Variants in RPS13 observed in about 807,000 individuals in gnomAD.
RPS13 encodes ribosomal protein S13, also known as small ribosomal subunit protein uS15.
A neutral mutation model predicts 24.6 loss-of-function variants in RPS13; 1 was observed. The observed-to-expected ratio is 0.04, with a 90% confidence interval of 0.01 to 0.19. RPS13 has a LOEUF of 0.19. RPS13 is among the 10% of genes least tolerant of loss of function. The pLI is 1.00. For synonymous variants in RPS13, 69 were observed against 65.3 expected, an observed-to-expected ratio of 1.06 and a Z score of -0.27; for missense variants, 88 against 187.4, an observed-to-expected ratio of 0.47 and a Z score of 3.10.
At position 17,075,429 on chromosome 11, in the gene RPS13, C is replaced by T. The variant is rs375186350; in HGVS notation, c.321+25G>A. 3.0e-5 allele frequency: 45 copies of T among 1,523,846 alleles called. No homozygotes were observed. In the African/African-American group the frequency reaches 5.3e-4, roughly 18 times the overall value. 94.4% of individuals were successfully genotyped at this position (1,523,846 alleles called of 1,614,324 possible). A position where few individuals can be genotyped will look rare whatever the true frequency, so the allele number is the denominator to read the frequency against. On this transcript the variant is annotated intron_variant, in intron 4 of 5. Coordinates refer to ENST00000525634, the MANE Select transcript of RPS13 (RefSeq NM_001017.3). ...ATTTAGTACAAGCAGTCCTACTTAG[C>T]ACCAGGTTTTATTTATTAGCTTACC...
At position 17,077,465 on chromosome 11, in the gene RPS13, G is replaced by A. The variant is rs749390952; in HGVS notation, c.36C>T (p.Ser12=). 3.1e-6 allele frequency: 5 copies of A among 1,613,800 alleles called. No individual in the cohort carries two copies. The highest frequency in any genetic ancestry group is 1.1e-5 in the South Asian group (1 of 91,056). The change falls in exon 2 of 6, where the codon TCC becomes TCT. Residue 12 remains serine, a synonymous_variant. Coordinates refer to ENST00000525634, the MANE Select transcript of RPS13 (RefSeq NM_001017.3). ...GRMHAPGKGL[S]QSALPYRRSV... Reference sequence around the variant, plus strand: ...TGCGTCGATAGGGTAAAGCCGACTGGGACAGGCCCTTCCTGGGGAGAGAAG... The same window carrying A: ...TGCGTCGATAGGGTAAAGCCGACTGAGACAGGCCCTTCCTGGGGAGAGAAG...
intron 4 of RPS13, 108 bp from the exon 5 acceptor site, chr11:17,075,305 T>C: frequency 3.0e-6 from 3 of 998,126 alleles, no homozygotes; most frequent in Non-Finnish European, 4.5e-6. Flanking sequence ...ATAATGAAAA[T>C]CTCTTTGGAT....
chr11:17,076,308 T>A, intron 3 of RPS13: 1 of 238,356 alleles, frequency 4.2e-6, no homozygotes, highest in South Asian at 3.9e-5. Context: ...ATTGCTTGCT[T>A]GAACCCAGGA....
At chr11:17,077,141 T>G (rs1272930170) in intron 3 of RPS13, 27 bp downstream of exon 3, 1 of 1,550,976 alleles carries the variant, frequency 6.4e-7, no homozygotes, top group South Asian at 1.1e-5. Flanking sequence ...ACAGGCGAAA[T>G]AGGCTATGTT....
Position 17,075,434 on chromosome 11 carries a change from G to A in RPS13, c.321+20C>T. 1.3e-6 allele frequency: 2 copies of A among 1,532,788 alleles called. No individual in the cohort carries two copies. The highest frequency in any genetic ancestry group is 2.6e-5 in the South Asian group (2 of 77,416). 94.9% of individuals were successfully genotyped at this position (1,532,788 alleles called of 1,614,324 possible). A position where few individuals can be genotyped will look rare whatever the true frequency, so the allele number is the denominator to read the frequency against. Reference sequence around the variant, plus strand: ...GTACAAGCAGTCCTACTTAGCACCAGGTTTTATTTATTAGCTTACCTTTCT... The same window carrying A: ...GTACAAGCAGTCCTACTTAGCACCAAGTTTTATTTATTAGCTTACCTTTCT... On this transcript the variant is annotated intron_variant, in intron 4 of 5. Coordinates refer to ENST00000525634, the MANE Select transcript of RPS13 (RefSeq NM_001017.3).
Position 17,077,284 on chromosome 11 carries a change from C to T in RPS13, c.73-38G>A, listed in dbSNP as rs370291249. 15 of 1,592,398 alleles carry T rather than the reference C, an allele frequency of 9.4e-6. No individual in the cohort carries two copies. In the African/African-American group the frequency reaches 1.7e-4, roughly 19 times the overall value. Reference sequence around the variant, plus strand: ...AGAAAGCAGCCTTAGGATGAGAACCCAGGAATGGCGCCGCAGAACAGCGGT... The same window carrying T: ...AGAAAGCAGCCTTAGGATGAGAACCTAGGAATGGCGCCGCAGAACAGCGGT... On this transcript the variant is annotated intron_variant, in intron 2 of 5. Coordinates refer to ENST00000525634, the MANE Select transcript of RPS13 (RefSeq NM_001017.3).
chr11:17,075,550 A>C lies in RPS13; in HGVS notation c.225T>G (p.Leu75=), dbSNP rs772973264. 16 of 1,609,102 alleles carry C rather than the reference A, an allele frequency of 9.9e-6. No individual in the cohort carries two copies. Among genetic ancestry groups the C allele is most frequent in the Non-Finnish European group, 1.4e-5 (16 of 1,177,110 alleles). ...FVTGNKILRI[L]KSKGLAPDLP... ...GATCAGGAGCAAGTCCCTTAGACTT[A>C]AGAATTCTTAAAATTTTATTGCCTG... is the stretch of plus-strand genomic sequence containing the variant. Residue 75 remains leucine (L), a synonymous_variant, in exon 4 of 6, where the codon CTT becomes CTG. Coordinates refer to ENST00000525634, the MANE Select transcript of RPS13 (RefSeq NM_001017.3).
Position 17,077,126 on chromosome 11 carries a change from C to G in RPS13, c.151+42G>C, listed in dbSNP as rs201176315. 6.9e-6 allele frequency: 10 copies of G among 1,446,446 alleles called. No individual in the cohort carries two copies. The East Asian group carries it at 2.3e-4, about 33-fold the overall frequency. 89.6% of individuals were successfully genotyped at this position (1,446,446 alleles called of 1,614,324 possible). A position where few individuals can be genotyped will look rare whatever the true frequency, so the allele number is the denominator to read the frequency against. On this transcript the variant is annotated intron_variant, in intron 3 of 5. Transcript: ENST00000525634. ...CACCTACTAGATCCTACAAGTCACA[C>G]GAGGACAGGCGAAATAGGCTATGTT... is the stretch of plus-strand genomic sequence containing the variant.
At chr11:17,077,515 A>G in intron 1 of RPS13, 38 bp from the exon 2 acceptor site, 1 of 1,613,420 alleles carries the variant, frequency 6.2e-7, no homozygotes, top group South Asian at 1.1e-5. Flanking sequence ...GGTGGCGGCT[A>G]GTGCCAGAGC....
At chr11:17,075,054 G>T in intron 5 of RPS13, 43 bp downstream of exon 5, 1 of 1,314,550 alleles carries the variant, frequency 7.6e-7, no homozygotes, top group South Asian at 1.2e-5. Context: ...ACTACTGGCT[G>T]ACTCCTATTC....
chr11:17,077,538 C>T (rs1402058117), intron 1 of RPS13, 61 bp from the exon 2 acceptor site: 2 of 1,612,706 alleles, frequency 1.2e-6, no homozygotes, highest in Non-Finnish European at 1.7e-6. Context: ...CCCAGAACAT[C>T]ATCCCCTCGG....
intron 3 of RPS13, among the ~76,000 whole-genome samples, chr11:17,076,203 A>G (rs923983672): frequency 9.9e-5 from 15 of 152,244 alleles, no homozygotes; most frequent in African/African-American, 3.6e-4. Context: ...CCTGGCCAAC[A>G]TGGTGAAACC....
chr11:17,074,691 GAA>G (rs1174381411), intron 5 of RPS13: 2 of 700,564 alleles, frequency 2.9e-6, no homozygotes, highest in Non-Finnish European at 5.3e-6. Flanking sequence ...CCAACATAAG[GAA>G]AAACATTTCT....
Position 17,077,663 on chromosome 11 carries a change from A to C in RPS13, c.-22T>G. The C allele has an allele frequency of 6.2e-7, 1 of 1,609,480 alleles. No homozygotes were observed. Among genetic ancestry groups the C allele is most frequent in the African/African-American group, 1.3e-5 (1 of 74,362 alleles). On this transcript the variant is annotated 5_prime_UTR_variant, in exon 1 of 6. Coordinates refer to ENST00000525634, the MANE Select transcript of RPS13 (RefSeq NM_001017.3). ...CCATGATGGCGGCGATCAGGCAACG[A>C]AAGGAGAGCGAGAGTGGAAACGCCG...
Position 17,075,702 on chromosome 11 carries a change from G to A in RPS13, c.152-79C>T. The A allele has an allele frequency of 3.4e-6, 4 of 1,162,364 alleles. No individual in the cohort carries two copies. The South Asian group carries it at 4.0e-5, about 12-fold the overall frequency. 72.0% of individuals were successfully genotyped at this position (1,162,364 alleles called of 1,614,324 possible). On this transcript the variant is annotated intron_variant, in intron 3 of 5. Transcript: ENST00000525634. ...TGATGATGTCAAGGCTCAGAAATCA[G>A]GGCATAGTTTCCTATCTGTAAGATG...
At chr11:17,076,092 CT>C in intron 3 of RPS13, 3 of 271,116 alleles carry the variant, frequency 1.1e-5, no homozygotes, top group South Asian at 3.2e-5. Context: ...CCCCCTCCCC[CT>C]TTTAAGAGGT....
chr11:17,077,594 A>T, intron 1 of RPS13, 25 bp downstream of exon 1: 1 of 644,702 alleles, frequency 1.6e-6, no homozygotes, highest in Non-Finnish European at 2.7e-6. Context: ...CCGCCCAGCA[A>T]TCCGGCTTGA....
At chr11:17,076,577 G>GGGGTC (rs1848029163) in intron 3 of RPS13, 1 of 422,450 alleles carries the variant, frequency 2.4e-6, no homozygotes, top group South Asian at 1.7e-5. Context: ...AAAAAGAGGT[G>GGGGTC]GGGTCTCTCT....
rs1306482749 is a variant in RPS13, at chr11:17,074,713, T to A, written c.423-247A>T. The A allele has an allele frequency of 7.3e-6, 5 of 688,202 alleles. No homozygotes were observed. The Admixed American group carries it at 1.0e-4, about 14-fold the overall frequency. The allele number at this position is 688,202 out of a possible 1,614,324, so 42.6% of individuals were successfully genotyped here. On this transcript the variant is annotated intron_variant, in intron 5 of 5. Coordinates refer to ENST00000525634, the MANE Select transcript of RPS13 (RefSeq NM_001017.3). ...AAGGAAAAACATTTCTGGTGGAAAC[T>A]GCGAATGTCTGGCAACCAATCATCA...
Sources: gnomAD v4.1 joint callset for allele counts (sites outside exome capture counted in the v4.1 genomes callset) on GRCh38, gnomAD v4.1.1 for gene constraint, MANE v1.5 for transcripts, NCBI Gene and HGNC (gene_info 2026-07-23, HGNC 2026-07-21) for gene names.